Variants in GRIN2B observed in about 807,000 individuals in gnomAD.
The protein encoded by GRIN2B is glutamate receptor ionotropic, NMDA 2B.
Under a neutral mutation model 114.5 loss-of-function variants are expected in GRIN2B, and 5 were observed. That is an observed-to-expected ratio of 0.04 (90% CI 0.02 to 0.09). GRIN2B has a LOEUF of 0.09. Among genes scored for constraint, GRIN2B ranks in the 10% least tolerant of loss-of-function variants. The probability of loss-of-function intolerance (pLI) is 1.00; values close to 1 mark genes in which losing one functional copy is unlikely to be tolerated. For missense variants in GRIN2B, 1,108 were observed against 1,943.5 expected (o/e 0.57, Z 8.08); for synonymous variants, 787 against 745.1 (o/e 1.06, Z -0.92).
intron 2 of GRIN2B, among the ~76,000 whole-genome samples, chr12:13,902,055 T>C (rs1352932151): frequency 6.6e-6 from 1 of 152,172 alleles, no homozygotes; most frequent in Non-Finnish European, 1.5e-5. Context: ...ATTTCATTGA[T>C]ATATTTGTAT....
At chr12:13,855,581 C>T (rs917533551) in intron 3 of GRIN2B, among the ~76,000 whole-genome samples, 14 of 152,230 alleles carry the variant, frequency 9.2e-5, no homozygotes, top group Non-Finnish European at 1.6e-4. Flanking sequence ...CAGTTTCTGG[C>T]GGCTTTCCTA....
intron 4 of GRIN2B, among the ~76,000 whole-genome samples, chr12:13,720,786 C>A (rs1297218898): frequency 6.6e-6 from 1 of 152,082 alleles, no homozygotes. Flanking sequence ...AAGGAAACAT[C>A]TTGGAGCTGC....
chr12:13,596,190 G>T (rs762044864), intron 10 of GRIN2B, among the ~76,000 whole-genome samples: 4 of 152,120 alleles, frequency 2.6e-5, no homozygotes, highest in Non-Finnish European at 5.9e-5. Flanking sequence ...TCAGTACCAG[G>T]ATAACACCCA....
intron 2 of GRIN2B, among the ~76,000 whole-genome samples, chr12:13,921,026 AAT>A (rs1390876491): frequency 2.0e-5 from 3 of 152,184 alleles, no homozygotes; most frequent in Admixed American, 2.0e-4. Flanking sequence ...CATTTTACTC[AAT>A]AGTAGGTAAT....
intron 10 of GRIN2B, among the ~76,000 whole-genome samples, chr12:13,577,355 C>T (rs1156908246): frequency 1.3e-5 from 2 of 152,136 alleles, no homozygotes; most frequent in South Asian, 4.2e-4. Context: ...AGAATTCAGC[C>T]CTCTGAGCTG....
rs1476164532 is a variant in GRIN2B at position 13,563,208 on chromosome 12, C to T, written c.4030G>A (p.Ala1344Thr). ...TTGTTGGCAAAGGTGCTCTCGCCAG[C>T]TGACATCTCAAACATGTGGGCGTAG... ...SPYAHMFEMS[A>T]GESTFANNKS... The change falls in exon 14 of 14, where the codon GCT becomes ACT. Residue 1344 changes from alanine (A) to threonine (T), a missense_variant. Around this residue, in one of 19 missense-constraint regions of GRIN2B, gnomAD observed 478 missense variants for 506.0 expected, o/e 0.94. Coordinates refer to ENST00000609686, the MANE Select transcript of GRIN2B (RefSeq NM_000834.5). 1 of 1,614,248 alleles carries T rather than the reference C, an allele frequency of 6.2e-7. No homozygotes were observed. The highest frequency in any genetic ancestry group is 8.5e-7 in the Non-Finnish European group (1 of 1,180,048).
chr12:13,744,668 G>A (rs748615586), intron 4 of GRIN2B, among the ~76,000 whole-genome samples: 12 of 152,102 alleles, frequency 7.9e-5, no homozygotes, highest in African/African-American at 1.4e-4. Context: ...GGCAGCCCCC[G>A]GCCGGCTGCT....
At position 13,554,859 on chromosome 12, in the gene GRIN2B, G is replaced by C. The variant is rs560965420; in HGVS notation, c.*7924C>G. The C allele has an allele frequency of 2.6e-5, 4 of 152,140 alleles. No individual in the cohort carries two copies. Among genetic ancestry groups the C allele is most frequent in the African/African-American group, 9.7e-5 (4 of 41,426 alleles). The allele number at this position is 152,140 out of a possible 1,614,324, so 9.4% of individuals were successfully genotyped here. A position where few individuals can be genotyped will look rare whatever the true frequency, so the allele number is the denominator to read the frequency against. On this transcript the variant is annotated 3_prime_UTR_variant, in exon 14 of 14. Coordinates refer to ENST00000609686, the MANE Select transcript of GRIN2B (RefSeq NM_000834.5). ...GCCTGAAAAGCTTGAGTTCGGTGAC[G>C]GAAGACATGGTGATACCATTAAGCA...
At chr12:13,825,319 A>C (rs1865012653) in intron 3 of GRIN2B, among the ~76,000 whole-genome samples, 1 of 151,758 alleles carries the variant, frequency 6.6e-6, no homozygotes, top group Admixed American at 6.6e-5. Flanking sequence ...GACTCATTTG[A>C]TAGAATAAGA....
At chr12:13,701,282 C>T (rs1433511082) in intron 4 of GRIN2B, among the ~76,000 whole-genome samples, 1 of 152,042 alleles carries the variant, frequency 6.6e-6, no homozygotes, top group Non-Finnish European at 1.5e-5. Flanking sequence ...AAAGCCTAAC[C>T]ATATCAGGTT....
chr12:13,894,664 A>T (rs1866326062), intron 2 of GRIN2B, among the ~76,000 whole-genome samples: 1 of 152,148 alleles, frequency 6.6e-6, no homozygotes, highest in South Asian at 2.1e-4. Context: ...AAAATTATTA[A>T]AGTTATATGT....
At chr12:13,617,575 C>T (rs1373270605) in intron 5 of GRIN2B, among the ~76,000 whole-genome samples, 1 of 152,214 alleles carries the variant, frequency 6.6e-6, no homozygotes, top group Admixed American at 6.5e-5. Flanking sequence ...TTCTCATTCT[C>T]TCTGTCTCAT....
chr12:13,911,184 A>G (rs1866622118), intron 2 of GRIN2B, among the ~76,000 whole-genome samples: 1 of 152,072 alleles, frequency 6.6e-6, no homozygotes, highest in African/African-American at 2.4e-5. Flanking sequence ...TATCTCGAAC[A>G]TTTAGCACAG....
intron 3 of GRIN2B, among the ~76,000 whole-genome samples, chr12:13,836,000 C>A (rs1038306004): frequency 2.0e-4 from 30 of 152,110 alleles, no homozygotes; most frequent in Non-Finnish European, 8.8e-5. Flanking sequence ...GGAGAGGCTG[C>A]CCAAGGCCCA....
chr12:13,881,439 C>T (rs1866071855), intron 2 of GRIN2B, among the ~76,000 whole-genome samples: 1 of 152,132 alleles, frequency 6.6e-6, no homozygotes, highest in African/African-American at 2.4e-5. Flanking sequence ...AGGATATAAC[C>T]ATGACCCACC....
At chr12:13,703,807 T>A (rs1950333840) in intron 4 of GRIN2B, among the ~76,000 whole-genome samples, 1 of 152,176 alleles carries the variant, frequency 6.6e-6, no homozygotes, top group Non-Finnish European at 1.5e-5. Flanking sequence ...TTCAATCCAT[T>A]TATTCCCAAC....
intron 2 of GRIN2B, among the ~76,000 whole-genome samples, chr12:13,895,693 C>A (rs1866341299): frequency 6.6e-6 from 1 of 152,122 alleles, no homozygotes; most frequent in African/African-American, 2.4e-5. Context: ...CCCTGCTTTG[C>A]AATTCTTGCT....
chr12:13,794,038 C>CAAAAAAAAAAAA, intron 3 of GRIN2B, among the ~76,000 whole-genome samples: 1 of 79,226 alleles, frequency 1.3e-5, no homozygotes, highest in Non-Finnish European at 2.3e-5. Flanking sequence ...CCCATCTCTA[C>CAAAAAAAAAAAA]AAAAAAAAAA....
At chr12:13,797,601 T>A (rs1864438926) in intron 3 of GRIN2B, among the ~76,000 whole-genome samples, 1 of 152,212 alleles carries the variant, frequency 6.6e-6, no homozygotes, top group African/African-American at 2.4e-5. Flanking sequence ...GGTAGGAAAC[T>A]ACATACTGTT....
Sources: gnomAD v4.1 joint callset for allele counts (sites outside exome capture counted in the v4.1 genomes callset) on GRCh38, gnomAD v4.1.1 for gene constraint, gnomAD v4.1.1 regional missense constraint, MANE v1.5 for transcripts, NCBI Gene and HGNC (gene_info 2026-07-23, HGNC 2026-07-21) for gene names.